PCED1B: variants seen among roughly 807,000 people sequenced by gnomAD.
PCED1B encodes PC-esterase domain-containing protein 1B.
For synonymous variants in PCED1B, 251 were observed against 246.1 expected (o/e 1.02, Z -0.19); for missense variants, 573 against 573.9 (o/e 1.00, Z 0.02).
intron 2 of PCED1B, among the ~76,000 whole-genome samples, chr12:47,210,939 AAT>A (rs1565603358): frequency 6.6e-6 from 1 of 152,152 alleles, no homozygotes; most frequent in Non-Finnish European, 1.5e-5. Context: ...GGTAAAATGG[AAT>A]AGTGATATAC....
At chr12:47,081,327 T>G (rs951981798) in intron 1 of PCED1B, among the ~76,000 whole-genome samples, 5 of 152,206 alleles carry the variant, frequency 3.3e-5, no homozygotes, top group African/African-American at 1.2e-4. Context: ...CCTTTTCACT[T>G]GAGCAATCTT....
Position 47,152,566 on chromosome 12 carries a change from A to G in PCED1B, c.-526+48371A>G, listed in dbSNP as rs184400852. Among the ~76,000 whole-genome samples, 510 of 152,340 alleles carry G rather than the reference A, an allele frequency of 3.3e-3. 1 individual carries two copies. The highest frequency in any genetic ancestry group is 0.012 in the African/African-American group (482 of 41,570). On this transcript the variant is annotated intron_variant, in intron 2 of 3. Coordinates refer to ENST00000546455, the MANE Select transcript of PCED1B (RefSeq NM_138371.3). Reference sequence around the variant, plus strand: ...TCCTGAATTAAATTTTAGAGCATAAAAAGGATAATTGGAGAAATTTGATTA... The same window carrying G: ...TCCTGAATTAAATTTTAGAGCATAAGAAGGATAATTGGAGAAATTTGATTA...
intron 2 of PCED1B, among the ~76,000 whole-genome samples, chr12:47,159,281 A>G (rs1592217616): frequency 6.6e-6 from 1 of 152,232 alleles, no homozygotes; most frequent in East Asian, 1.9e-4. Flanking sequence ...GCTGGATTGT[A>G]TGGTAGTTGT....
At chr12:47,199,834 A>C (rs1298910633) in intron 2 of PCED1B, among the ~76,000 whole-genome samples, 1 of 152,228 alleles carries the variant, frequency 6.6e-6, no homozygotes, top group Non-Finnish European at 1.5e-5. Context: ...TAGCTTCAAC[A>C]CCAAAAGCAC....
chr12:47,138,858 T>A (rs1170994458), intron 2 of PCED1B, among the ~76,000 whole-genome samples: 3 of 152,246 alleles, frequency 2.0e-5, no homozygotes, highest in African/African-American at 7.2e-5. Flanking sequence ...AATAAACAGA[T>A]GCTTTAACTT....
intron 2 of PCED1B, among the ~76,000 whole-genome samples, chr12:47,164,120 A>C (rs1011891114): frequency 6.6e-6 from 1 of 152,148 alleles, no homozygotes; most frequent in Admixed American, 6.5e-5. Context: ...TGAGAGTAAT[A>C]AACCACATCT....
intron 2 of PCED1B, chr12:47,209,281 C>T (rs539762015): frequency 6.6e-5 from 10 of 152,336 alleles, no homozygotes; most frequent in Non-Finnish European, 1.3e-4. Flanking sequence ...CTGGGCTCAC[C>T]TGTAATCCCA....
Position 47,235,909 on chromosome 12 carries a change from C to T in PCED1B, c.846C>T (p.Asn282=), listed in dbSNP as rs1278399336. 1.9e-6 allele frequency: 3 copies of T among 1,607,072 alleles called. No homozygotes were observed. Among genetic ancestry groups the T allele is most frequent in the Non-Finnish European group, 2.5e-6 (3 of 1,176,916 alleles). The change falls in exon 4 of 4, where the codon AAC becomes AAT. Residue 282 remains asparagine, a synonymous_variant. Coordinates refer to ENST00000546455, the MANE Select transcript of PCED1B (RefSeq NM_138371.3). ...GPRVEGPPQA[N]RNHPALPLSP... ...GAGTCGAAGGGCCGCCCCAGGCCAA[C>T]AGAAATCACCCGGCCTTACCTCTGT...
At chr12:47,095,375 C>A (rs571188933) in intron 1 of PCED1B, among the ~76,000 whole-genome samples, 1 of 151,684 alleles carries the variant, frequency 6.6e-6, no homozygotes, top group South Asian at 2.1e-4. Context: ...TATGATTTTT[C>A]TCTTTATCTT....
intron 1 of PCED1B, among the ~76,000 whole-genome samples, chr12:47,094,614 A>G (rs1401291365): frequency 1.3e-5 from 2 of 152,010 alleles, no homozygotes; most frequent in Non-Finnish European, 2.9e-5. Context: ...AGATTGCAAT[A>G]TATATCCTTG....
At chr12:47,190,573 G>A (rs972183128) in intron 2 of PCED1B, among the ~76,000 whole-genome samples, 39 of 152,178 alleles carry the variant, frequency 2.6e-4, no homozygotes, top group African/African-American at 9.4e-4. Context: ...TCCTGCATCT[G>A]GGATACCTGT....
chr12:47,185,186 A>G (rs1942215245), intron 2 of PCED1B, among the ~76,000 whole-genome samples: 1 of 152,198 alleles, frequency 6.6e-6, no homozygotes, highest in Non-Finnish European at 1.5e-5. Flanking sequence ...TAACCCAGAT[A>G]CCTGCAAATG....
At chr12:47,234,752 A>T (rs956733360) in intron 3 of PCED1B, among the ~76,000 whole-genome samples, 4 of 152,192 alleles carry the variant, frequency 2.6e-5, no homozygotes, top group African/African-American at 9.6e-5. Flanking sequence ...CTCCAACAGC[A>T]GCCTCAGGTC....
At chr12:47,182,906 T>A (rs1460377332) in intron 2 of PCED1B, among the ~76,000 whole-genome samples, 1 of 152,058 alleles carries the variant, frequency 6.6e-6, no homozygotes, top group Non-Finnish European at 1.5e-5. Context: ...ATTTTGAAAC[T>A]CATCACCCCA....
At chr12:47,162,973 T>G (rs1941434802) in intron 2 of PCED1B, among the ~76,000 whole-genome samples, 1 of 152,196 alleles carries the variant, frequency 6.6e-6, no homozygotes, top group Non-Finnish European at 1.5e-5. Flanking sequence ...ATATCTATCT[T>G]TGGAATTTTA....
chr12:47,221,338 C>CTT (rs63059763), intron 3 of PCED1B, among the ~76,000 whole-genome samples: 10 of 108,896 alleles, frequency 9.2e-5, no homozygotes, highest in African/African-American at 1.4e-4. Flanking sequence ...CATCAAAATT[C>CTT]TTTTTTTTTT....
intron 2 of PCED1B, among the ~76,000 whole-genome samples, chr12:47,198,244 T>G (rs900508490): frequency 5.9e-5 from 9 of 152,212 alleles, no homozygotes; most frequent in African/African-American, 9.6e-5. Context: ...TCAATTGATT[T>G]GAAAATCATT....
chr12:47,206,347 A>C (rs1329560241), intron 2 of PCED1B: 2 of 152,200 alleles, frequency 1.3e-5, no homozygotes, highest in Non-Finnish European at 1.5e-5. Flanking sequence ...TATAAACTAA[A>C]TTTCTCCCAA....
rs552884739 is a variant in PCED1B at position 47,135,842 on chromosome 12, A to T, written c.-526+31647A>T. The T allele has an allele frequency of 1.9e-5, 9 of 464,508 alleles. No homozygotes were observed. In the East Asian group the frequency reaches 4.8e-4, roughly 25 times the overall value. 28.8% of individuals were successfully genotyped at this position (464,508 alleles called of 1,614,324 possible). A position where few individuals can be genotyped will look rare whatever the true frequency, so the allele number is the denominator to read the frequency against. Reference sequence around the variant, plus strand: ...CCTCATGCTTCTCCTTGAGCATCTCATGGTTGGTGGAGCGGCCGGTGTTGG... The same window carrying T: ...CCTCATGCTTCTCCTTGAGCATCTCTTGGTTGGTGGAGCGGCCGGTGTTGG... On this transcript the variant is annotated intron_variant, in intron 2 of 3. Coordinates refer to ENST00000546455, the MANE Select transcript of PCED1B (RefSeq NM_138371.3).
Sources: gnomAD v4.1 joint callset for allele counts (sites outside exome capture counted in the v4.1 genomes callset) on GRCh38, gnomAD v4.1.1 for gene constraint, MANE v1.5 for transcripts, NCBI Gene and HGNC (gene_info 2026-07-23, HGNC 2026-07-21) for gene names.